Variants in DENND5A observed in about 807,000 individuals in gnomAD.
DENND5A encodes DENN domain-containing protein 5A.
A neutral mutation model predicts 140.3 loss-of-function variants in DENND5A; 64 were observed. The observed-to-expected ratio is 0.46, with a 90% confidence interval of 0.37 to 0.56. The LOEUF (loss-of-function observed/expected upper bound fraction) is 0.56, where lower values mean the gene tolerates loss of function less well. Ranked by LOEUF, DENND5A falls within the 20% of genes least tolerant of loss-of-function variation. The pLI, the probability that DENND5A is intolerant of heterozygous loss-of-function variation, is 0.00. For synonymous variants in DENND5A, 605 were observed against 607.7 expected (o/e 1.00, Z 0.07); for missense variants, 1,292 against 1,593.8 (o/e 0.81, Z 3.22).
intron 1 of DENND5A, among the ~76,000 whole-genome samples, chr11:9,211,887 G>A (rs1849891387): frequency 7.1e-6 from 1 of 141,302 alleles, no homozygotes; most frequent in Non-Finnish European, 1.5e-5. Flanking sequence ...CCAAGATCGT[G>A]CCACTGCACT....
In DENND5A at chr11:9,178,278, T is replaced by G. The variant is rs771909659; in HGVS notation, c.1760A>C (p.Asn587Thr). 2 of 1,613,854 alleles carry G rather than the reference T, an allele frequency of 1.2e-6. No homozygotes were observed. Among genetic ancestry groups the G allele is most frequent in the Non-Finnish European group, 1.7e-6 (2 of 1,179,894 alleles). The change falls in exon 8 of 23, where the codon AAC (asparagine) becomes ACC (threonine). Residue 587 changes from asparagine (N) to threonine (T), a missense_variant. Physicochemically the swap from Asn to Thr is moderately conservative, Grantham distance 65 (BLOSUM62 0). Around this residue, in one of 4 missense-constraint regions of DENND5A, gnomAD observed 199 missense variants for 189.1 expected, o/e 1.05. Coordinates refer to ENST00000328194, the MANE Select transcript of DENND5A (RefSeq NM_015213.4). ...ATCATCATCATGACACATTATTTTG[T>G]TGTCAATGAAAGATGCAAACATCTG... ...ETQMFASFIDNKIMCHDDDDK... is the reference protein window; with the variant it reads ...ETQMFASFIDTKIMCHDDDDK...
chr11:9,234,665 G>A (rs1850925212), intron 1 of DENND5A, among the ~76,000 whole-genome samples: 1 of 152,180 alleles, frequency 6.6e-6, no homozygotes, highest in South Asian at 2.1e-4. Context: ...GGCCCACCCA[G>A]GGCAGAAAAC....
At chr11:9,204,345 G>A (rs1431926590) in intron 3 of DENND5A, 28 bp from the exon 4 acceptor site, 1 of 1,593,002 alleles carries the variant, frequency 6.3e-7, no homozygotes, top group East Asian at 2.2e-5. Flanking sequence ...GCAACAAGCA[G>A]TGAGAACACT....
intron 1 of DENND5A, among the ~76,000 whole-genome samples, chr11:9,261,719 A>G (rs1316749294): frequency 1.4e-5 from 2 of 146,552 alleles, no homozygotes; most frequent in African/African-American, 2.5e-5. Flanking sequence ...CGGAGGTTTC[A>G]GTGAGCCACT....
chr11:9,155,440 A>G (rs1398266122), intron 12 of DENND5A, among the ~76,000 whole-genome samples: 2 of 152,228 alleles, frequency 1.3e-5, no homozygotes, highest in Non-Finnish European at 2.9e-5. Context: ...CTATACCAGA[A>G]GAAGGAAGCC....
chr11:9,247,723 A>G (rs1851539157), intron 1 of DENND5A, among the ~76,000 whole-genome samples: 1 of 152,162 alleles, frequency 6.6e-6, no homozygotes, highest in African/African-American at 2.4e-5. Flanking sequence ...CCAGGTAACC[A>G]AGAGTATAGA....
At chr11:9,231,715 CAA>C (rs71062818) in intron 1 of DENND5A, among the ~76,000 whole-genome samples, 4,935 of 78,964 alleles carry the variant, frequency 0.062, 444 homozygotes, top group African/African-American at 0.22. Flanking sequence ...AACTCCGTCT[CAA>C]AAAAAAAAAA....
intron 11 of DENND5A, among the ~76,000 whole-genome samples, chr11:9,162,636 A>G (rs7396541): frequency 0.16 from 24,008 of 151,938 alleles, 2,419 homozygotes; most frequent in Middle Eastern, 0.23. Context: ...CACTTACCCA[A>G]CGAAACTACA....
rs765484540 is a variant in DENND5A, at chr11:9,141,943, G to A, written c.3677C>T (p.Ala1226Val). The A allele has an allele frequency of 6.3e-7, 1 of 1,585,714 alleles. No homozygotes were observed. The highest frequency in any genetic ancestry group is 2.3e-5 in the East Asian group (1 of 43,970). Residue 1226 changes from alanine (A) to valine (V), a missense_variant, in exon 22 of 23, where the codon GCC becomes GTC. Physicochemically the swap from Ala to Val is moderately conservative, Grantham distance 64. Coordinates refer to ENST00000328194, the MANE Select transcript of DENND5A (RefSeq NM_015213.4). Reference sequence around the variant, plus strand: ...CTGGGCCCTGGGTCTGCAGTACCTGGCTCCCAAGCACACCAGCATCTGAAA... The same window carrying A: ...CTGGGCCCTGGGTCTGCAGTACCTGACTCCCAAGCACACCAGCATCTGAAA... ...GKFQMLVCLG[A>V]RDHLLHHWIA...
intron 22 of DENND5A, chr11:9,140,331 A>C: frequency 1.5e-6 from 1 of 649,782 alleles, no homozygotes; most frequent in East Asian, 6.6e-5. Context: ...TAGCTTGTCC[A>C]AGATCACATG....
At chr11:9,147,582 GA>G (rs1386607665) in intron 15 of DENND5A, among the ~76,000 whole-genome samples, 1 of 152,140 alleles carries the variant, frequency 6.6e-6, no homozygotes, top group Non-Finnish European at 1.5e-5. Flanking sequence ...TTCGAACCCT[GA>G]GTAGATCTGA....
Position 9,180,781 on chromosome 11 carries a change from C to A in DENND5A, c.1441G>T (p.Val481Leu), listed in dbSNP as rs949596196. The change falls in exon 6 of 23, where the codon GTG (valine) becomes TTG (leucine). Residue 481 changes from valine to leucine, a missense_variant. Around this residue, in one of 4 missense-constraint regions of DENND5A, gnomAD observed 566 missense variants for 650.4 expected, o/e 0.87. Coordinates refer to ENST00000328194, the MANE Select transcript of DENND5A (RefSeq NM_015213.4). ...ACACATCTTACCTTTTCCAGGCTCA[C>A]CCCAGTTCTCTTGACCAAGGCTTGC... Reference protein sequence around the residue: ...RLQALVKRTGVSLEKLEVRED... With the variant: ...RLQALVKRTGLSLEKLEVRED... 1 of 1,613,972 alleles carries A rather than the reference C, an allele frequency of 6.2e-7. No individual in the cohort carries two copies. The highest frequency in any genetic ancestry group is 1.3e-5 in the African/African-American group (1 of 74,922).
rs1374602269 is a variant in DENND5A at position 9,165,491 on chromosome 11, G to A, written c.2283+345C>T. Among the ~76,000 whole-genome samples, 7 of 151,884 alleles carry A rather than the reference G, an allele frequency of 4.6e-5. No individual in the cohort carries two copies. The East Asian group carries it at 1.3e-3, about 29-fold the overall frequency. Reference sequence around the variant, plus strand: ...GTCTCGCTCTGTTGCCCAGGCAGGAGTGCAGTGGTGCCATCATAGCTCACT... The same window carrying A: ...GTCTCGCTCTGTTGCCCAGGCAGGAATGCAGTGGTGCCATCATAGCTCACT... On this transcript the variant is annotated intron_variant, in intron 11 of 22. Coordinates refer to ENST00000328194, the MANE Select transcript of DENND5A (RefSeq NM_015213.4).
rs915630081 is a variant in DENND5A, at chr11:9,144,124, C to T, written c.3277G>A (p.Val1093Ile). 6.2e-7 allele frequency: 1 copy of T among 1,613,934 alleles called. No individual in the cohort carries two copies. The highest frequency in any genetic ancestry group is 1.7e-5 in the Admixed American group (1 of 59,968). Residue 1093 changes from valine to isoleucine, a missense_variant, in exon 19 of 23, where the codon GTT (valine) becomes ATT (isoleucine). Physicochemically the swap from Val to Ile is conservative, Grantham distance 29. This residue lies in a region of DENND5A where 498 missense variants were observed against 689.7 expected (regional missense o/e 0.72). Coordinates refer to ENST00000328194, the MANE Select transcript of DENND5A (RefSeq NM_015213.4). The part of the protein sequence containing the change: ...QQSPSVIRRL[V>I]TISPNNKPKL... ...GGCTTGTTGTTGGGTGAGATGGTAA[C>T]AAGCCTCCGGATGACACTGGGGGAC...
chr11:9,195,937 C>T (rs1220944627), intron 4 of DENND5A, among the ~76,000 whole-genome samples: 1 of 152,006 alleles, frequency 6.6e-6, no homozygotes, highest in Non-Finnish European at 1.5e-5. Context: ...TGTAATGGCT[C>T]AAACCTGTAA....
At chr11:9,149,454 C>T (rs1847539147) in intron 15 of DENND5A, among the ~76,000 whole-genome samples, 1 of 152,172 alleles carries the variant, frequency 6.6e-6, no homozygotes, top group African/African-American at 2.4e-5. Context: ...AATGATAATA[C>T]AACACATCAT....
intron 5 of DENND5A, among the ~76,000 whole-genome samples, chr11:9,186,297 T>C (rs1848910434): frequency 6.6e-6 from 1 of 152,258 alleles, no homozygotes. Context: ...TGCTTATTCC[T>C]TTAAGATTTT....
intron 1 of DENND5A, among the ~76,000 whole-genome samples, chr11:9,229,277 C>G (rs1850662643): frequency 6.6e-6 from 1 of 152,018 alleles, no homozygotes; most frequent in South Asian, 2.1e-4. Context: ...TCACAGAGAC[C>G]TTGGCCAAGT....
chr11:9,196,172 C>T (rs909525200), intron 4 of DENND5A, among the ~76,000 whole-genome samples: 15 of 152,020 alleles, frequency 9.9e-5, no homozygotes, highest in African/African-American at 3.6e-4. Context: ...AGGGTGGTCT[C>T]GAACTCCTCA....
Sources: allele counts gnomAD v4.1 joint callset (sites outside exome capture counted in the v4.1 genomes callset), GRCh38; gene constraint gnomAD v4.1.1; regional missense constraint gnomAD v4.1.1; transcripts MANE v1.5; gene names NCBI Gene and HGNC (gene_info 2026-07-23, HGNC 2026-07-21).